ABI3BP: variants seen among roughly 807,000 people sequenced by gnomAD.
The protein encoded by ABI3BP is target of Nesh-SH3.
In ABI3BP, 216 loss-of-function variants were observed where a neutral mutation model predicts 268.6. That is an observed-to-expected ratio of 0.80 (90% CI 0.72 to 0.90). The LOEUF is 0.90. Among genes scored for constraint, ABI3BP ranks in the 40% least tolerant of loss-of-function variants. The pLI is 0.00. For missense variants in ABI3BP, 2,090 were observed against 2,182.4 expected, an observed-to-expected ratio of 0.96 and a Z score of 0.84; for synonymous variants, 730 against 730.0, an observed-to-expected ratio of 1.00 and a Z score of 0.00.
At chr3:100,973,281 G>T (rs189518732) in intron 1 of ABI3BP, among the ~76,000 whole-genome samples, 59 of 152,234 alleles carry the variant, frequency 3.9e-4, no homozygotes, top group Non-Finnish European at 6.0e-4. Context: ...ATAAAACAAA[G>T]TTATGTACTG....
At chr3:100,827,985 T>A (rs2098419293) in intron 34 of ABI3BP, among the ~76,000 whole-genome samples, 1 of 152,018 alleles carries the variant, frequency 6.6e-6, no homozygotes. Flanking sequence ...AAAAGGTAGA[T>A]GTTTGGGAAT....
rs1456885730 is a variant in ABI3BP at position 100,749,438 on chromosome 3, A to AAAGGTCCTTTCAGAATGACTGC, written c.*1035_*1056dup. 23 of 390,380 alleles carry AAAGGTCCTTTCAGAATGACTGC rather than the reference A, an allele frequency of 5.9e-5. No individual in the cohort carries two copies. The East Asian group carries it at 8.0e-4, about 14-fold the overall frequency. 24.2% of individuals were successfully genotyped at this position (390,380 alleles called of 1,614,324 possible). ...AGCATGTTGAAAGGTAAGTACAGGG[A>AAAGGTCCTTTCAGAATGACTGC]AAGGTCCTTTCAGAATGACTGCAAC... On this transcript the variant is annotated 3_prime_UTR_variant, in exon 68 of 68. Coordinates refer to ENST00000471714, the MANE Select transcript of ABI3BP (RefSeq NM_001375547.2).
In ABI3BP at chr3:100,846,357, GT is replaced by G; in HGVS notation, c.1723+14del. ...CCCCACTTTTGGAATATTCAAAAAAGTTTAGGGTAATTACCAGGTTTGGTGT... is the reference window on the plus strand; with the variant it reads ...CCCCACTTTTGGAATATTCAAAAAAGTTAGGGTAATTACCAGGTTTGGTGT... On this transcript the variant is annotated intron_variant, in intron 20 of 67. Coordinates refer to ENST00000471714, the MANE Select transcript of ABI3BP (RefSeq NM_001375547.2). 1 of 1,557,600 alleles carries G rather than the reference GT, an allele frequency of 6.4e-7. No homozygotes were observed. The highest frequency in any genetic ancestry group is 8.7e-7 in the Non-Finnish European group (1 of 1,149,012).
chr3:100,808,096 C>T, intron 50 of ABI3BP, 65 bp downstream of exon 50: 1 of 1,404,090 alleles, frequency 7.1e-7, no homozygotes, highest in Middle Eastern at 1.8e-4. Context: ...TATTAATGAA[C>T]AATTTGCTAG....
chr3:100,890,836 C>T (rs1311571928), intron 4 of ABI3BP, among the ~76,000 whole-genome samples: 1 of 152,056 alleles, frequency 6.6e-6, no homozygotes, highest in African/African-American at 2.4e-5. Flanking sequence ...GTCCTTTCTC[C>T]CCTCATGTCC....
At chr3:100,821,002 G>A in intron 39 of ABI3BP, 52 bp downstream of exon 39, 2 of 1,436,766 alleles carry the variant, frequency 1.4e-6, no homozygotes, top group Non-Finnish European at 1.9e-6. Context: ...GATGGAATGG[G>A]TTTGACGATG....
intron 7 of ABI3BP, among the ~76,000 whole-genome samples, chr3:100,875,892 TG>T (rs2099156982): frequency 6.6e-6 from 1 of 152,152 alleles, no homozygotes; most frequent in African/African-American, 2.4e-5. Context: ...TAGCACAAAA[TG>T]AGGTGATGAC....
chr3:100,953,720 A>G (rs2075903524), intron 1 of ABI3BP, among the ~76,000 whole-genome samples: 1 of 152,178 alleles, frequency 6.6e-6, no homozygotes, highest in Non-Finnish European at 1.5e-5. Flanking sequence ...ATTATTCTCT[A>G]GGCAAAGGTT....
At chr3:100,834,902 T>C (rs2098551787) in intron 28 of ABI3BP, 129 bp from the exon 29 acceptor site, 1 of 828,686 alleles carries the variant, frequency 1.2e-6, no homozygotes, top group South Asian at 1.9e-5. Context: ...TAGAATTTTC[T>C]TCTGATCATC....
chr3:100,991,368 T>C (rs2092886077), intron 1 of ABI3BP, among the ~76,000 whole-genome samples: 1 of 152,222 alleles, frequency 6.6e-6, no homozygotes, highest in Admixed American at 6.5e-5. Context: ...GTTAAGATAT[T>C]ATAGATCTTC....
Position 100,842,059 on chromosome 3 carries a change from T to A in ABI3BP, c.1724-20A>T. 6.5e-7 allele frequency: 1 copy of A among 1,528,978 alleles called. No individual in the cohort carries two copies. Among genetic ancestry groups the A allele is most frequent in the Non-Finnish European group, 8.8e-7 (1 of 1,140,552 alleles). The allele number at this position is 1,528,978 out of a possible 1,614,324, so 94.7% of individuals were successfully genotyped here. On this transcript the variant is annotated intron_variant, in intron 20 of 67. Coordinates refer to ENST00000471714, the MANE Select transcript of ABI3BP (RefSeq NM_001375547.2). Reference sequence around the variant, plus strand: ...CTGGGGCTGTAATAAAAGCAAGTAATATCAAAAGCAATGCTGAAGAGCACC... The same window carrying A: ...CTGGGGCTGTAATAAAAGCAAGTAAAATCAAAAGCAATGCTGAAGAGCACC...
chr3:100,928,252 C>A (rs969575906), intron 1 of ABI3BP, among the ~76,000 whole-genome samples: 2 of 151,828 alleles, frequency 1.3e-5, no homozygotes, highest in African/African-American at 4.8e-5. Context: ...TTCTTTATTC[C>A]CCAGAGATTT....
intron 1 of ABI3BP, among the ~76,000 whole-genome samples, chr3:100,941,094 T>A (rs560550290): frequency 6.6e-6 from 1 of 151,692 alleles, no homozygotes; most frequent in African/African-American, 2.4e-5. Flanking sequence ...CATAGATAGC[T>A]GCCTCAGTGC....
At chr3:100,989,691 T>C (rs1380007302) in intron 1 of ABI3BP, among the ~76,000 whole-genome samples, 1 of 152,220 alleles carries the variant, frequency 6.6e-6, no homozygotes, top group Non-Finnish European at 1.5e-5. Flanking sequence ...ATCTTCTGTA[T>C]ACTGGAGTTT....
chr3:100,812,847 GCAA>G (rs1291188232), intron 45 of ABI3BP, among the ~76,000 whole-genome samples: 2 of 152,100 alleles, frequency 1.3e-5, no homozygotes, highest in Non-Finnish European at 2.9e-5. Context: ...TCAGGAAGTA[GCAA>G]CAACATTACT....
intron 1 of ABI3BP, among the ~76,000 whole-genome samples, chr3:100,930,461 A>C (rs141966095): frequency 4.2e-4 from 64 of 152,118 alleles, no homozygotes; most frequent in African/African-American, 1.3e-3. Flanking sequence ...AATATTTCAA[A>C]GAGTGTTAAG....
intron 1 of ABI3BP, among the ~76,000 whole-genome samples, chr3:100,960,708 G>A (rs1472154901): frequency 6.6e-6 from 1 of 152,220 alleles, no homozygotes; most frequent in Non-Finnish European, 1.5e-5. Flanking sequence ...GGACTTTGAA[G>A]ATGAAGGAAG....
chr3:100,940,383 G>A (rs566625496), intron 1 of ABI3BP, among the ~76,000 whole-genome samples: 6 of 151,844 alleles, frequency 4.0e-5, no homozygotes, highest in Admixed American at 2.6e-4. Flanking sequence ...CACAATCCAC[G>A]TTCTTCTGCC....
In ABI3BP at chr3:100,832,198, A is replaced by G. The variant is rs2098505261; in HGVS notation, c.2401+66T>C. 7 of 1,433,600 alleles carry G rather than the reference A, an allele frequency of 4.9e-6. No individual in the cohort carries two copies. In the South Asian group the frequency reaches 6.2e-5, roughly 13 times the overall value. The allele number at this position is 1,433,600 out of a possible 1,614,324, so 88.8% of individuals were successfully genotyped here. A position where few individuals can be genotyped will look rare whatever the true frequency, so the allele number is the denominator to read the frequency against. ...GCACAACACAATAGATTATATGTAC[A>G]TAGAACTTACAGTCCCAACCGTGGT... On this transcript the variant is annotated intron_variant, in intron 31 of 67. Transcript: ENST00000471714.
Sources: allele counts gnomAD v4.1 joint callset (sites outside exome capture counted in the v4.1 genomes callset), GRCh38; gene constraint gnomAD v4.1.1; transcripts MANE v1.5; gene names NCBI Gene and HGNC (gene_info 2026-07-23, HGNC 2026-07-21).